The following RAB37 variants were observed in gnomAD, a reference collection of about 807,000 sequenced individuals.
RAB37 encodes RAB37, member RAS oncogene family.
Under a neutral mutation model 33.1 loss-of-function variants are expected in RAB37, and 29 were observed. The observed-to-expected ratio is 0.88, with a 90% CI of 0.65 to 1.20. The LOEUF is 1.20. RAB37 is among the 50% of genes most tolerant of loss of function. RAB37 has a pLI of 0.00. For synonymous variants in RAB37, 128 were observed against 119.5 expected (o/e 1.07, Z -0.47); for missense variants, 299 against 301.1 (o/e 0.99, Z 0.05).
At chr17:74,698,855 G>A (rs2143636666) in intron 1 of RAB37, among the ~76,000 whole-genome samples, 1 of 152,232 alleles carries the variant, frequency 6.6e-6, no homozygotes, top group Non-Finnish European at 1.5e-5. Context: ...GTGTACCCCT[G>A]AAGCTAAAAT....
In RAB37 at chr17:74,730,307, C is replaced by T. The variant is rs761262109; in HGVS notation, c.183+941C>T. ...CCAGAGCACAGGGCCTGTGAGATCA[C>T]GCTCAGGGTCAGGACGCAGCAGTGC... On this transcript the variant is annotated intron_variant, in intron 2 of 7. Coordinates refer to the RAB37 transcript ENST00000340415. This position sits in a 1 kb window ranked among gnomAD's most constrained non-coding sequence, Gnocchi z 4.4. Among the ~76,000 whole-genome samples the T allele has an allele frequency of 5.3e-5, 8 of 152,186 alleles. No homozygotes were observed. The highest frequency in any genetic ancestry group is 2.6e-4 in the Admixed American group (4 of 15,274).
chr17:74,687,779 G>A (rs368207765), intron 1 of RAB37, among the ~76,000 whole-genome samples: 65 of 152,254 alleles, frequency 4.3e-4, no homozygotes, highest in South Asian at 3.7e-3. Flanking sequence ...GTGATGGAGC[G>A]GGTCCATGCC....
chr17:74,728,110 C>T (rs1319577977), intron 1 of RAB37, among the ~76,000 whole-genome samples: 1 of 149,020 alleles, frequency 6.7e-6, no homozygotes, highest in Non-Finnish European at 1.5e-5. Flanking sequence ...GCATGTGTGT[C>T]TGTGTGCATG....
intron 1 of RAB37, among the ~76,000 whole-genome samples, chr17:74,707,062 A>T (rs972691930): frequency 6.6e-6 from 1 of 152,206 alleles, no homozygotes; most frequent in Non-Finnish European, 1.5e-5. Context: ...AAAGCTCCAC[A>T]ACATTGGTCT....
Position 74,743,196 on chromosome 17 carries a change from G to C in RAB37, c.313+1G>C, listed in dbSNP as rs887434508. ...CATGCTTATTACAGAGATGCTCAGGGTGAGTCCCTCGCACCCTCCAACCCC... is the reference window on the plus strand; with the variant it reads ...CATGCTTATTACAGAGATGCTCAGGCTGAGTCCCTCGCACCCTCCAACCCC... On this transcript the variant is annotated splice_donor_variant, in intron 4 of 8. Transcript: ENST00000392613. LOFTEE classifies it high-confidence loss of function. 1 of 1,613,766 alleles carries C rather than the reference G, an allele frequency of 6.2e-7. No individual in the cohort carries two copies. Among genetic ancestry groups the C allele is most frequent in the African/African-American group, 1.3e-5 (1 of 74,908 alleles).
Position 74,746,717 on chromosome 17 carries a change from C to A in RAB37, c.*1306C>A, listed in dbSNP as rs1026667047. 2.0e-5 allele frequency: 3 copies of A among 152,178 alleles called. No homozygotes were observed. The highest frequency in any genetic ancestry group is 4.8e-5 in the African/African-American group (2 of 41,424). The allele number at this position is 152,178 out of a possible 1,614,324, so 9.4% of individuals were successfully genotyped here. On this transcript the variant is annotated 3_prime_UTR_variant, in exon 9 of 9. Coordinates refer to ENST00000392613, the MANE Select transcript of RAB37 (RefSeq NM_001006638.3). The surrounding 1 kb of genome is among the most constrained non-coding windows in gnomAD (Gnocchi z 5.2). ...TGGTGGGAGACAAGATTAAGCAAAC[C>A]TCCCCTGACATGTATCCCTTTGACC... is the stretch of plus-strand genomic sequence containing the variant.
chr17:74,735,061 G>GAAAGAAAGAAAGAAAGAAAGAGAA (rs1555594315), upstream of RAB37, among the ~76,000 whole-genome samples: 1 of 105,684 alleles, frequency 9.5e-6, no homozygotes, highest in African/African-American at 4.7e-5. Flanking sequence ...AAGAAAGAAA[G>GAAAGAAAGAAAGAAAGAAAGAGAA]AGAAAGAAAG....
intron 1 of RAB37, among the ~76,000 whole-genome samples, chr17:74,725,044 A>G (rs981014161): frequency 4.6e-5 from 7 of 152,312 alleles, no homozygotes; most frequent in African/African-American, 1.7e-4. Flanking sequence ...TTCTAAAGCA[A>G]GCTCAAAAAG....
chr17:74,732,297 G>A (rs1025472255), upstream of RAB37, among the ~76,000 whole-genome samples: 13 of 152,194 alleles, frequency 8.5e-5, no homozygotes, highest in African/African-American at 7.2e-5. Flanking sequence ...GGGTCCATGC[G>A]CCACATTTTG....
intron 1 of RAB37, chr17:74,694,908 A>T (rs1309535633): frequency 3.7e-6 from 2 of 537,364 alleles, no homozygotes; most frequent in African/African-American, 3.8e-5. Flanking sequence ...ACGTTTAGAA[A>T]ACCCCAACTC....
At chr17:74,731,646 CCT>C (rs1598313904) in intron 2 of RAB37, among the ~76,000 whole-genome samples, 1 of 152,174 alleles carries the variant, frequency 6.6e-6, no homozygotes, top group South Asian at 2.1e-4. Context: ...CTCCTTGTTA[CCT>C]CTCTCCTCAG....
chr17:74,719,456 A>ACAAT (rs569838206), intron 1 of RAB37, among the ~76,000 whole-genome samples: 146 of 152,306 alleles, frequency 9.6e-4, no homozygotes, highest in Middle Eastern at 3.4e-3. Flanking sequence ...TCATCTCAAA[A>ACAAT]AAATAAATAA....
intron 1 of RAB37, among the ~76,000 whole-genome samples, chr17:74,679,292 G>C (rs1378585332): frequency 6.6e-6 from 1 of 152,182 alleles, no homozygotes; most frequent in South Asian, 2.1e-4. Flanking sequence ...CAAGCTCACA[G>C]TGAGAAGCAG....
rs113793280 is a variant in RAB37 at position 74,694,835 on chromosome 17, A to T, written c.72+23177A>T. 8.4e-4 allele frequency: 308 copies of T among 368,522 alleles called. 1 individual carries two copies. The East Asian group carries it at 0.01, about 12-fold the overall frequency. The allele number at this position is 368,522 out of a possible 1,614,324, so 22.8% of individuals were successfully genotyped here. The stretch of plus-strand genomic sequence containing the variant: ...CATTTTTCTCATTATCATCTTCATC[A>T]TTCCCATGAAAGCCCCAGAGCATAT... On this transcript the variant is annotated intron_variant, in intron 1 of 7. Transcript: ENST00000340415.
At position 74,695,044 on chromosome 17, in the gene RAB37, AG is replaced by A. The variant is rs1598196705; in HGVS notation, c.72+23388del. 20 of 1,577,740 alleles carry A rather than the reference AG, an allele frequency of 1.3e-5. No individual in the cohort carries two copies. In the East Asian group the frequency reaches 4.5e-4, roughly 36 times the overall value. On this transcript the variant is annotated intron_variant, in intron 1 of 7. Transcript: ENST00000340415. ...GGGAGCAGGGGGCAGACGGTCGATG[AG>A]GCAGGAGTGTGCTCACAGCCTGGGG...
chr17:74,680,757 T>C (rs1041358082), intron 1 of RAB37, among the ~76,000 whole-genome samples: 2 of 152,190 alleles, frequency 1.3e-5, no homozygotes, highest in Non-Finnish European at 2.9e-5. Context: ...GAGAATTCCC[T>C]GGACTTGACC....
chr17:74,696,699 C>T (rs931721000), intron 1 of RAB37, among the ~76,000 whole-genome samples: 1 of 152,214 alleles, frequency 6.6e-6, no homozygotes, highest in Non-Finnish European at 1.5e-5. Context: ...CATCTTCGTC[C>T]TACTGAATTC....
chr17:74,718,766 C>T (rs1355544949), intron 1 of RAB37, among the ~76,000 whole-genome samples: 1 of 152,120 alleles, frequency 6.6e-6, no homozygotes, highest in African/African-American at 2.4e-5. Flanking sequence ...TAAGTCACTC[C>T]GAATCCTGCC....
chr17:74,746,073 A>C lies in RAB37; in HGVS notation c.*662A>C, dbSNP rs2034752878. On this transcript the variant is annotated 3_prime_UTR_variant, in exon 9 of 9. Transcript: ENST00000392613. This position sits in a 1 kb window ranked among gnomAD's most constrained non-coding sequence, Gnocchi z 5.2. The stretch of plus-strand genomic sequence containing the variant: ...GGCATGCCCCTTTTCTCCAGCACAC[A>C]AGCACATTGGGGCACCTGGAAATAT... 1 of 152,100 alleles carries C rather than the reference A, an allele frequency of 6.6e-6. No homozygotes were observed. The highest frequency in any genetic ancestry group is 1.5e-5 in the Non-Finnish European group (1 of 68,082). The allele number at this position is 152,100 out of a possible 1,614,324, so 9.4% of individuals were successfully genotyped here.
Sources: allele counts gnomAD v4.1 joint callset (sites outside exome capture counted in the v4.1 genomes callset), GRCh38; gene constraint gnomAD v4.1.1; non-coding constraint Gnocchi (gnomAD v3.1); transcripts MANE v1.5; gene names NCBI Gene and HGNC (gene_info 2026-07-23, HGNC 2026-07-21).